Variants in SHROOM3 observed in about 807,000 individuals in gnomAD.
The protein encoded by SHROOM3 is shroom family member 3, also known as protein Shroom3.
A neutral mutation model predicts 138.6 loss-of-function variants in SHROOM3; 47 were observed. The ratio of observed to expected loss-of-function variants is 0.34; its 90% confidence interval spans 0.27 to 0.43. SHROOM3 has a LOEUF of 0.43. SHROOM3 is among the 20% of genes least tolerant of loss of function. The pLI, the probability that SHROOM3 is intolerant of heterozygous loss-of-function variation, is 1.00. For missense variants in SHROOM3, 2,491 were observed against 2,596.5 expected (o/e 0.96, Z 0.88); for synonymous variants, 1,062 against 1,063.3 (o/e 1.00, Z 0.02).
intron 2 of SHROOM3, among the ~76,000 whole-genome samples, chr4:76,557,609 A>G (rs1469624656): frequency 6.6e-6 from 1 of 152,114 alleles, no homozygotes; most frequent in Non-Finnish European, 1.5e-5. Context: ...ATAGATCTTA[A>G]GTGTCCTCAC....
intron 1 of SHROOM3, among the ~76,000 whole-genome samples, chr4:76,441,490 C>A (rs1730681925): frequency 6.6e-6 from 1 of 152,188 alleles, no homozygotes; most frequent in African/African-American, 2.4e-5. Context: ...CCAACTACCA[C>A]ATTAGATCAG....
At chr4:76,698,719 C>T (rs113940524) in intron 2 of SHROOM3, among the ~76,000 whole-genome samples, 21 of 152,156 alleles carry the variant, frequency 1.4e-4, no homozygotes, top group African/African-American at 5.1e-4. Flanking sequence ...GCCATCCCTG[C>T]CTAGTGCCTG....
chr4:76,754,653 T>C lies in SHROOM3; in HGVS notation c.4170T>C (p.Asn1390=), dbSNP rs764429647. 2 of 1,614,084 alleles carry C rather than the reference T, an allele frequency of 1.2e-6. No homozygotes were observed. Among genetic ancestry groups the C allele is most frequent in the Non-Finnish European group, 1.7e-6 (2 of 1,179,994 alleles). ...PYTPAMMHRS[N]GHTLTQPPGP... is the part of the protein sequence containing the mutation. ...CCCCTGCCATGATGCACAGAAGCAA[T>C]GGTCACACCCTGACCCAGCCTCCCG... Residue 1390 remains asparagine (N), a synonymous_variant, in exon 7 of 11, where the codon AAT becomes AAC. Transcript: ENST00000296043.
intron 3 of SHROOM3, among the ~76,000 whole-genome samples, chr4:76,723,515 A>T (rs780591440): frequency 6.6e-6 from 1 of 152,088 alleles, no homozygotes; most frequent in Non-Finnish European, 1.5e-5. Context: ...TCACACTCTC[A>T]CATTACCCAG....
chr4:76,727,140 T>C (rs1720730955), intron 3 of SHROOM3, among the ~76,000 whole-genome samples: 1 of 152,216 alleles, frequency 6.6e-6, no homozygotes, highest in Admixed American at 6.5e-5. Flanking sequence ...GTTTGTTCTT[T>C]CTCTTCTTTC....
intron 2 of SHROOM3, among the ~76,000 whole-genome samples, chr4:76,631,869 A>C (rs1735334990): frequency 6.6e-6 from 1 of 152,218 alleles, no homozygotes; most frequent in Non-Finnish European, 1.5e-5. Context: ...TGAAATTATT[A>C]CACCAATCTA....
At chr4:76,717,627 C>T (rs1050472260) in intron 3 of SHROOM3, among the ~76,000 whole-genome samples, 1 of 152,032 alleles carries the variant, frequency 6.6e-6, no homozygotes, top group African/African-American at 2.4e-5. Context: ...GTCCAGCATG[C>T]ATGTGTGGGG....
In SHROOM3 at chr4:76,709,528, G is replaced by T. The variant is rs546464833; in HGVS notation, c.324-628G>T. ...TTTTTCTCTGACTCCCTGGGAGTAT[G>T]GAGGAAGAGAGTTATGGGAATGGTG... On this transcript the variant is annotated intron_variant, in intron 2 of 10. Transcript: ENST00000296043. 1.1e-3 allele frequency among the ~76,000 whole-genome samples: 162 copies of T among 152,308 alleles called. 1 individual carries two copies. The highest frequency in any genetic ancestry group is 1.6e-3 in the Non-Finnish European group (106 of 68,030).
chr4:76,695,883 C>T (rs139722481), intron 2 of SHROOM3, among the ~76,000 whole-genome samples: 16 of 152,122 alleles, frequency 1.1e-4, no homozygotes, highest in Non-Finnish European at 1.3e-4. Flanking sequence ...CCAGACCCAT[C>T]GAAGAAGCCC....
chr4:76,468,857 C>G (rs1303040257), intron 1 of SHROOM3, among the ~76,000 whole-genome samples: 4 of 151,802 alleles, frequency 2.6e-5, no homozygotes, highest in African/African-American at 9.7e-5. Context: ...CGGTGAAACC[C>G]CATCTCTACT....
At chr4:76,594,394 A>G (rs1734338909) in intron 2 of SHROOM3, among the ~76,000 whole-genome samples, 1 of 152,140 alleles carries the variant, frequency 6.6e-6, no homozygotes, top group Non-Finnish European at 1.5e-5. Flanking sequence ...TTGTTGACTG[A>G]GTGAGGGAGT....
chr4:76,766,801 G>A (rs903041091), intron 9 of SHROOM3, among the ~76,000 whole-genome samples: 1 of 152,092 alleles, frequency 6.6e-6, no homozygotes, highest in Non-Finnish European at 1.5e-5. Context: ...AAATTCAAAT[G>A]CCACCTAACT....
intron 5 of SHROOM3, 110 bp downstream of exon 5, chr4:76,742,036 C>A: frequency 7.2e-7 from 1 of 1,382,978 alleles, no homozygotes; most frequent in Non-Finnish European, 1.0e-6. Context: ...TTCAGTTTTC[C>A]TTGTGATTAC....
chr4:76,485,383 A>G (rs893207515), intron 1 of SHROOM3, among the ~76,000 whole-genome samples: 1 of 152,238 alleles, frequency 6.6e-6, no homozygotes, highest in Non-Finnish European at 1.5e-5. Flanking sequence ...GAGAAGAGTT[A>G]TATGTTTAGT....
chr4:76,703,282 A>G (rs574365322), intron 2 of SHROOM3, among the ~76,000 whole-genome samples: 3 of 152,268 alleles, frequency 2.0e-5, no homozygotes, highest in African/African-American at 7.2e-5. Flanking sequence ...GGGCATGCAG[A>G]GGGAGCTTCC....
intron 8 of SHROOM3, 84 bp downstream of exon 8, chr4:76,757,021 G>A: frequency 6.2e-7 from 1 of 1,602,532 alleles, no homozygotes; most frequent in South Asian, 1.1e-5. Context: ...CTAGTTGCCT[G>A]ATGTTCTCCT....
intron 5 of SHROOM3, among the ~76,000 whole-genome samples, chr4:76,745,690 A>G (rs1481551383): frequency 1.3e-5 from 2 of 152,268 alleles, no homozygotes; most frequent in African/African-American, 4.8e-5. Context: ...TAAGTATAAA[A>G]TTAGTCTTGG....
At chr4:76,535,360 C>G (rs1434624597) in intron 1 of SHROOM3, among the ~76,000 whole-genome samples, 2 of 152,108 alleles carry the variant, frequency 1.3e-5, no homozygotes, top group African/African-American at 4.8e-5. Flanking sequence ...TGATTCTTCC[C>G]CCATATTTGA....
At chr4:76,549,489 C>T (rs1431956154) in intron 1 of SHROOM3, among the ~76,000 whole-genome samples, 1 of 152,090 alleles carries the variant, frequency 6.6e-6, no homozygotes, top group South Asian at 2.1e-4. Flanking sequence ...CTACCTCAGC[C>T]TCCTGAGTAG....
Sources: allele counts gnomAD v4.1 joint callset (sites outside exome capture counted in the v4.1 genomes callset), GRCh38; gene constraint gnomAD v4.1.1; transcripts MANE v1.5; gene names NCBI Gene and HGNC (gene_info 2026-07-23, HGNC 2026-07-21).